The following METTL15 variants were observed in gnomAD, a reference collection of about 807,000 sequenced individuals.
The protein encoded by METTL15 is methyltransferase 15, mitochondrial 12S rRNA N4-cytidine, also known as 12S rRNA N(4)-cytidine methyltransferase METTL15.
In METTL15, 34 loss-of-function variants were observed where a neutral mutation model predicts 38.3. The ratio of observed to expected loss-of-function variants is 0.89; its 90% CI spans 0.68 to 1.18. The LOEUF is 1.18. Among genes scored for constraint, METTL15 ranks in the 50% most tolerant of loss-of-function variants. The probability of loss-of-function intolerance (pLI) is 0.00; values close to 1 mark genes in which losing one functional copy is unlikely to be tolerated. For synonymous variants in METTL15, 162 were observed against 170.9 expected (o/e 0.95, Z 0.41); for missense variants, 438 against 498.4 (o/e 0.88, Z 1.15).
chr11:28,457,839 A>G (rs1255413537), intron 6 of METTL15, among the ~76,000 whole-genome samples: 4 of 152,226 alleles, frequency 2.6e-5, no homozygotes, highest in Admixed American at 6.5e-5. Flanking sequence ...TCTGATGACA[A>G]TGAAGTGAGG....
chr11:28,117,785 C>G (rs1852037825), intron 3 of METTL15, among the ~76,000 whole-genome samples: 1 of 152,146 alleles, frequency 6.6e-6, no homozygotes, highest in African/African-American at 2.4e-5. Context: ...CCTTAATCTT[C>G]AAGTAATAAA....
intron 6 of METTL15, among the ~76,000 whole-genome samples, chr11:28,491,385 G>GA (rs1017234582): frequency 4.5e-4 from 69 of 152,096 alleles, no homozygotes; most frequent in Middle Eastern, 6.8e-3. Context: ...AAGAAATAGA[G>GA]AAAAAAATCC....
intron 4 of METTL15, among the ~76,000 whole-genome samples, chr11:28,284,447 T>C (rs936898710): frequency 3.9e-5 from 6 of 152,288 alleles, no homozygotes; most frequent in East Asian, 1.9e-4. Flanking sequence ...GACTGGACAG[T>C]AGCGATTTGT....
rs1565097388 is a variant in METTL15, at chr11:28,110,289, C to G, written c.-130C>G. The G allele has an allele frequency of 1.3e-5, 2 of 152,222 alleles. No individual in the cohort carries two copies. The highest frequency in any genetic ancestry group is 4.1e-4 in the South Asian group (2 of 4,830). 9.4% of individuals were successfully genotyped at this position (152,222 alleles called of 1,614,324 possible). A position where few individuals can be genotyped will look rare whatever the true frequency, so the allele number is the denominator to read the frequency against. On this transcript the variant is annotated 5_prime_UTR_variant, in exon 2 of 7. Transcript: ENST00000407364. ...CGTGGACCCAATCTGTCCGTCCTTA[C>G]AAGTTTCCCCCAGGGGCAGGACCTA...
intron 5 of METTL15, among the ~76,000 whole-genome samples, chr11:28,292,564 G>T (rs1027170642): frequency 2.0e-5 from 3 of 152,118 alleles, no homozygotes; most frequent in Non-Finnish European, 4.4e-5. Flanking sequence ...AGTCCTTTGG[G>T]TATATACCCA....
At chr11:28,340,717 T>C (rs1327505430) in intron 3 of METTL15, among the ~76,000 whole-genome samples, 1 of 152,076 alleles carries the variant, frequency 6.6e-6, no homozygotes, top group Non-Finnish European at 1.5e-5. Context: ...TTTTACAGCA[T>C]TGGTGGGAGT....
rs77411268 is a variant in METTL15, at chr11:28,330,175, A to G, written c.779-221A>G. 2.2e-3 allele frequency among the ~76,000 whole-genome samples: 339 copies of G among 152,272 alleles called. 1 individual carries two copies. The highest frequency in any genetic ancestry group is 6.2e-3 in the African/African-American group (259 of 41,554). On this transcript the variant is annotated intron_variant, in intron 6 of 6. Coordinates refer to ENST00000407364, the MANE Select transcript of METTL15 (RefSeq NM_001113528.2). ...TTTCTGTGCTCCTTGTTAAACTCCAATTATCCTTATGAGTTATGAAAGGTT... is the reference window on the plus strand; with the variant it reads ...TTTCTGTGCTCCTTGTTAAACTCCAGTTATCCTTATGAGTTATGAAAGGTT...
chr11:28,259,709 C>T (rs1855121277), intron 4 of METTL15, among the ~76,000 whole-genome samples: 1 of 152,200 alleles, frequency 6.6e-6, no homozygotes, highest in African/African-American at 2.4e-5. Flanking sequence ...AAACACTCTC[C>T]ATACCACGCC....
At chr11:28,463,218 A>G (rs1236849376) in intron 6 of METTL15, among the ~76,000 whole-genome samples, 1 of 152,174 alleles carries the variant, frequency 6.6e-6, no homozygotes, top group African/African-American at 2.4e-5. Flanking sequence ...GTTTTATTAA[A>G]CATATGGTAA....
chr11:28,211,467 C>CA (rs1852638982), intron 4 of METTL15, among the ~76,000 whole-genome samples: 1 of 151,888 alleles, frequency 6.6e-6, no homozygotes, highest in Admixed American at 6.6e-5. Context: ...AATCCATCCA[C>CA]AAAAAATGAG....
At chr11:28,207,697 C>T (rs9754898) in intron 3 of METTL15, among the ~76,000 whole-genome samples, 2 of 152,060 alleles carry the variant, frequency 1.3e-5, no homozygotes, top group Non-Finnish European at 1.5e-5. Context: ...CCAATTCCTC[C>T]TTGTGCCTCT....
At chr11:28,253,471 C>G (rs1445030259) in intron 4 of METTL15, among the ~76,000 whole-genome samples, 14 of 152,150 alleles carry the variant, frequency 9.2e-5, no homozygotes, top group Admixed American at 9.2e-4. Flanking sequence ...TAATTGTACT[C>G]TTTAAGTTAT....
chr11:28,122,179 A>T (rs1346586624), intron 3 of METTL15: 2 of 1,243,032 alleles, frequency 1.6e-6, no homozygotes, highest in Admixed American at 5.3e-5. Context: ...TGAATCCTAC[A>T]GGTAAATTTA....
intron 4 of METTL15, among the ~76,000 whole-genome samples, chr11:28,237,340 A>T (rs1854042385): frequency 6.6e-6 from 1 of 151,710 alleles, no homozygotes; most frequent in Admixed American, 6.6e-5. Flanking sequence ...TTCTCGCTTC[A>T]TTTCATTCAT....
At chr11:28,363,861 A>C (rs1850162793) in intron 5 of METTL15, among the ~76,000 whole-genome samples, 1 of 152,140 alleles carries the variant, frequency 6.6e-6, no homozygotes, top group Non-Finnish European at 1.5e-5. Context: ...ATTTTCATAC[A>C]GTGAGAGGTA....
At chr11:28,429,774 G>A (rs1438896710) in intron 6 of METTL15, among the ~76,000 whole-genome samples, 8 of 48,516 alleles carry the variant, frequency 1.6e-4, no homozygotes, top group South Asian at 7.8e-4. Flanking sequence ...CTGCCCGGCC[G>A]CCACCCCGTC....
chr11:28,194,187 TC>T (rs1851818875), intron 3 of METTL15, among the ~76,000 whole-genome samples: 2 of 37,754 alleles, frequency 5.3e-5, no homozygotes, highest in African/African-American at 1.1e-4. Context: ...TCTCTCTCTC[TC>T]TCTCCTCTCT....
chr11:28,268,531 C>G (rs1590239134), intron 4 of METTL15, among the ~76,000 whole-genome samples: 1 of 152,064 alleles, frequency 6.6e-6, no homozygotes, highest in South Asian at 2.1e-4. Context: ...ATAACACTGA[C>G]TGTTTCAGTT....
chr11:28,452,631 C>G (rs918084346), intron 6 of METTL15, among the ~76,000 whole-genome samples: 1 of 152,160 alleles, frequency 6.6e-6, no homozygotes, highest in African/African-American at 2.4e-5. Flanking sequence ...GTAACCCAGG[C>G]ACTCACTGGG....
Sources: allele counts gnomAD v4.1 joint callset (sites outside exome capture counted in the v4.1 genomes callset), GRCh38; gene constraint gnomAD v4.1.1; transcripts MANE v1.5; gene names NCBI Gene and HGNC (gene_info 2026-07-23, HGNC 2026-07-21).